The following TAOK3 variants were observed in gnomAD, a reference collection of about 807,000 sequenced individuals.
The protein encoded by TAOK3 is TAO kinase 3.
Under a neutral mutation model 120.4 loss-of-function variants are expected in TAOK3, and 40 were observed. That is an observed-to-expected ratio of 0.33 (90% CI 0.26 to 0.43). TAOK3 has a LOEUF of 0.43. TAOK3 is among the 20% of genes least tolerant of loss of function. The probability of loss-of-function intolerance (pLI) is 1.00; values close to 1 mark genes in which losing one functional copy is unlikely to be tolerated. For missense variants in TAOK3, 821 were observed against 1,112.1 expected (o/e 0.74, Z 3.72); for synonymous variants, 355 against 387.5 (o/e 0.92, Z 0.99).
intron 1 of TAOK3, chr12:118,297,090 A>T (rs1309762857): frequency 6.6e-6 from 1 of 152,138 alleles, no homozygotes; most frequent in Non-Finnish European, 1.5e-5. Flanking sequence ...CTTCTTCCGC[A>T]TGATTAATAA....
chr12:118,336,437 T>C (rs775853151), intron 1 of TAOK3, among the ~76,000 whole-genome samples: 1 of 152,128 alleles, frequency 6.6e-6, no homozygotes, highest in Non-Finnish European at 1.5e-5. Flanking sequence ...TCTTATCTTA[T>C]ACAAAAATTA....
At chr12:118,296,062 T>C (rs2042669438) in intron 1 of TAOK3, among the ~76,000 whole-genome samples, 1 of 152,212 alleles carries the variant, frequency 6.6e-6, no homozygotes, top group Non-Finnish European at 1.5e-5. Context: ...TATGTGTGTA[T>C]CTGAGTGAGT....
intron 19 of TAOK3, among the ~76,000 whole-genome samples, chr12:118,157,959 A>G (rs1566230315): frequency 6.6e-6 from 1 of 152,154 alleles, no homozygotes; most frequent in South Asian, 2.1e-4. Context: ...CTCACTTACC[A>G]TCTGGATTTC....
chr12:118,274,117 TA>T (rs1484825140), intron 1 of TAOK3, among the ~76,000 whole-genome samples: 1 of 151,130 alleles, frequency 6.6e-6, no homozygotes, highest in Admixed American at 6.6e-5. Context: ...GAGAACTGTC[TA>T]AAAAAAACAA....
chr12:118,151,259 CAT>C (rs908801901), intron 20 of TAOK3, 101 bp from the exon 21 acceptor site: 79 of 1,215,704 alleles, frequency 6.5e-5, no homozygotes, highest in Admixed American at 3.8e-4. Context: ...TGCACACACA[CAT>C]AGGCACACAC....
At chr12:118,215,170 C>T (rs1170042345) in intron 9 of TAOK3, among the ~76,000 whole-genome samples, 4 of 148,316 alleles carry the variant, frequency 2.7e-5, no homozygotes, top group Non-Finnish European at 6.0e-5. Flanking sequence ...TGAGCCACTG[C>T]ACCCAGTCCC....
intron 5 of TAOK3, among the ~76,000 whole-genome samples, chr12:118,243,095 C>T (rs2040326038): frequency 6.6e-6 from 1 of 151,898 alleles, no homozygotes; most frequent in Non-Finnish European, 1.5e-5. Flanking sequence ...TGAGAAATGA[C>T]AAAGATAAAA....
intron 19 of TAOK3, among the ~76,000 whole-genome samples, chr12:118,157,773 T>A (rs1399224195): frequency 6.6e-6 from 1 of 152,234 alleles, no homozygotes; most frequent in Non-Finnish European, 1.5e-5. Flanking sequence ...ACGTAGGCAC[T>A]CAATGAATAC....
At chr12:118,272,380 C>T (rs376593818) in intron 1 of TAOK3, among the ~76,000 whole-genome samples, 48 of 151,556 alleles carry the variant, frequency 3.2e-4, no homozygotes, top group African/African-American at 1.1e-3. Flanking sequence ...TTTTCCCTTT[C>T]CCAGAAACTT....
chr12:118,210,609 C>T (rs2038571811), intron 11 of TAOK3, among the ~76,000 whole-genome samples: 1 of 152,174 alleles, frequency 6.6e-6, no homozygotes, highest in Admixed American at 6.6e-5. Context: ...TTAAATGTTA[C>T]CTCCTCGAAC....
Position 118,151,259 on chromosome 12 carries a change from C to T in TAOK3, c.2536-101G>A, listed in dbSNP as rs180759892. 23 of 1,215,702 alleles carry T rather than the reference C, an allele frequency of 1.9e-5. No individual in the cohort carries two copies. The East Asian group carries it at 5.2e-4, about 28-fold the overall frequency. 75.3% of individuals were successfully genotyped at this position (1,215,702 alleles called of 1,614,324 possible). On this transcript the variant is annotated intron_variant, in intron 20 of 20. Coordinates refer to ENST00000392533, the MANE Select transcript of TAOK3 (RefSeq NM_016281.4). Reference sequence around the variant, plus strand: ...GGCACACATATGACATGCACACACACATAGGCACACACATGAAGTGCGCGC... The same window carrying T: ...GGCACACATATGACATGCACACACATATAGGCACACACATGAAGTGCGCGC...
intron 1 of TAOK3, among the ~76,000 whole-genome samples, chr12:118,313,978 T>C (rs1273324343): frequency 6.6e-6 from 1 of 152,204 alleles, no homozygotes; most frequent in Admixed American, 6.5e-5. Context: ...AGTAATATAA[T>C]GCAAGAGCCC....
At chr12:118,229,103 C>CTT (rs966141459) in intron 9 of TAOK3, among the ~76,000 whole-genome samples, 1 of 146,584 alleles carries the variant, frequency 6.8e-6, no homozygotes, top group African/African-American at 2.5e-5. Flanking sequence ...CTTTTTTTTC[C>CTT]TTTTTTTTTT....
intron 4 of TAOK3, among the ~76,000 whole-genome samples, chr12:118,243,867 C>T (rs867526306): frequency 1.3e-5 from 2 of 151,958 alleles, no homozygotes; most frequent in Admixed American, 6.6e-5. Context: ...TTAGTAGAGA[C>T]GAGGTTTCTC....
intron 6 of TAOK3, 91 bp from the exon 7 acceptor site, chr12:118,238,260 C>A (rs1389100886): frequency 1.5e-6 from 1 of 648,644 alleles, no homozygotes; most frequent in South Asian, 2.2e-5. Flanking sequence ...GGGTTACATA[C>A]TTTCTCACAT....
intron 13 of TAOK3, chr12:118,198,755 G>A: frequency 2.6e-6 from 1 of 382,576 alleles, no homozygotes; most frequent in Non-Finnish European, 5.0e-6. Context: ...AGGAAGACTT[G>A]AAGGTCTACA....
chr12:118,188,392 A>G (rs780019171), intron 14 of TAOK3, among the ~76,000 whole-genome samples: 7 of 152,236 alleles, frequency 4.6e-5, no homozygotes, highest in Non-Finnish European at 8.8e-5. Flanking sequence ...AACAATCATT[A>G]GCAAATACAT....
intron 11 of TAOK3, among the ~76,000 whole-genome samples, chr12:118,201,827 G>A (rs1193087889): frequency 6.6e-6 from 1 of 151,920 alleles, no homozygotes; most frequent in Admixed American, 6.6e-5. Context: ...GCAAAGTACC[G>A]AAAATCTTTA....
chr12:118,290,652 G>A (rs186030668), intron 1 of TAOK3, among the ~76,000 whole-genome samples: 2 of 152,130 alleles, frequency 1.3e-5, no homozygotes, highest in South Asian at 4.1e-4. Flanking sequence ...TACAACCTCC[G>A]CCTCCTGGGT....
Sources: allele counts gnomAD v4.1 joint callset (sites outside exome capture counted in the v4.1 genomes callset), GRCh38; gene constraint gnomAD v4.1.1; transcripts MANE v1.5; gene names NCBI Gene and HGNC (gene_info 2026-07-23, HGNC 2026-07-21).